The following CDH12 variants were observed in gnomAD, a reference collection of about 807,000 sequenced individuals.
CDH12 encodes the protein cadherin-12.
A neutral mutation model predicts 74.1 loss-of-function variants in CDH12; 41 were observed. The observed-to-expected ratio is 0.55, with a 90% CI of 0.43 to 0.72. The LOEUF is 0.72. Among genes scored for constraint, CDH12 ranks in the 30% least tolerant of loss-of-function variants. The probability of loss-of-function intolerance (pLI) is 0.00; values close to 1 mark genes in which losing one functional copy is unlikely to be tolerated. For missense variants in CDH12, 945 were observed against 977.2 expected, an observed-to-expected ratio of 0.97 and a Z score of 0.44; for synonymous variants, 399 against 355.0, an observed-to-expected ratio of 1.12 and a Z score of -1.39.
chr5:22,686,867 C>G (rs1352650514), intron 1 of CDH12, among the ~76,000 whole-genome samples: 2 of 152,292 alleles, frequency 1.3e-5, no homozygotes, highest in South Asian at 2.1e-4. Flanking sequence ...CTCACTATAA[C>G]GCTTGCTGTC....
chr5:22,288,533 A>C (rs549246955), intron 3 of CDH12, among the ~76,000 whole-genome samples: 4 of 152,310 alleles, frequency 2.6e-5, no homozygotes, highest in African/African-American at 9.6e-5. Context: ...TTATTATTAA[A>C]GTTAGCAATG....
intron 2 of CDH12, among the ~76,000 whole-genome samples, chr5:22,462,328 C>T (rs1745555751): frequency 6.6e-6 from 1 of 152,098 alleles, no homozygotes; most frequent in Non-Finnish European, 1.5e-5. Flanking sequence ...GGGATAGTTA[C>T]ACATAATCAG....
intron 1 of CDH12, among the ~76,000 whole-genome samples, chr5:22,556,227 G>C (rs965424685): frequency 6.6e-6 from 1 of 151,938 alleles, no homozygotes; most frequent in Non-Finnish European, 1.5e-5. Flanking sequence ...ACACATAAAA[G>C]CAATTCTTTG....
chr5:22,349,664 T>C (rs1402159710), intron 3 of CDH12, among the ~76,000 whole-genome samples: 1 of 152,208 alleles, frequency 6.6e-6, no homozygotes, highest in South Asian at 2.1e-4. Flanking sequence ...CCCCCAAATA[T>C]GTTTCTCATT....
intron 3 of CDH12, among the ~76,000 whole-genome samples, chr5:22,376,111 A>G (rs1462233619): frequency 6.6e-6 from 1 of 152,194 alleles, no homozygotes; most frequent in African/African-American, 2.4e-5. Flanking sequence ...ATGGAATACT[A>G]TTCTGCCATA....
At chr5:22,589,441 C>T (rs748903169) in intron 1 of CDH12, among the ~76,000 whole-genome samples, 29 of 152,252 alleles carry the variant, frequency 1.9e-4, no homozygotes, top group Non-Finnish European at 3.8e-4. Context: ...CAAGCTAAAC[C>T]TGTCACGTTG....
chr5:22,574,370 A>G (rs1043176521), intron 1 of CDH12, among the ~76,000 whole-genome samples: 19 of 151,852 alleles, frequency 1.3e-4, no homozygotes, highest in Admixed American at 1.1e-3. Flanking sequence ...CAATTTCAGC[A>G]TTCATTTGTC....
At chr5:22,762,740 A>G (rs989930573) in intron 1 of CDH12, among the ~76,000 whole-genome samples, 4 of 152,072 alleles carry the variant, frequency 2.6e-5, no homozygotes, top group Admixed American at 6.5e-5. Context: ...CTATAAATAC[A>G]TTCATCTTGA....
chr5:22,653,504 C>T (rs1169164605), intron 1 of CDH12, among the ~76,000 whole-genome samples: 1 of 151,696 alleles, frequency 6.6e-6, no homozygotes, highest in African/African-American at 2.4e-5. Context: ...TCCACAAATG[C>T]CACAATATAT....
At chr5:21,912,119 G>C (rs1753884342) in intron 6 of CDH12, among the ~76,000 whole-genome samples, 1 of 152,116 alleles carries the variant, frequency 6.6e-6, no homozygotes, top group Non-Finnish European at 1.5e-5. Flanking sequence ...TTTAAAATTA[G>C]TTTCTAGATG....
intron 1 of CDH12, among the ~76,000 whole-genome samples, chr5:22,505,726 C>T (rs556276611): frequency 6.6e-6 from 1 of 152,226 alleles, no homozygotes; most frequent in East Asian, 1.9e-4. Flanking sequence ...GTCCCCTTGG[C>T]CTCCTCATGG....
chr5:22,527,940 C>T (rs563810977), intron 1 of CDH12, among the ~76,000 whole-genome samples: 2 of 152,276 alleles, frequency 1.3e-5, no homozygotes, highest in South Asian at 2.1e-4. Flanking sequence ...CATCCTGGTT[C>T]ATATTTATGT....
At chr5:22,572,901 C>T (rs568907137) in intron 1 of CDH12, among the ~76,000 whole-genome samples, 6 of 152,278 alleles carry the variant, frequency 3.9e-5, no homozygotes, top group Non-Finnish European at 8.8e-5. Flanking sequence ...TGTTTTACAT[C>T]CTTCAGATGT....
At chr5:21,783,040 T>C (rs1048682659) in intron 11 of CDH12, among the ~76,000 whole-genome samples, 1 of 152,104 alleles carries the variant, frequency 6.6e-6, no homozygotes, top group South Asian at 2.1e-4. Flanking sequence ...AAATACCCAA[T>C]GATATGTAAA....
intron 4 of CDH12, among the ~76,000 whole-genome samples, chr5:22,145,672 A>C (rs1257258158): frequency 6.6e-6 from 1 of 152,156 alleles, no homozygotes; most frequent in African/African-American, 2.4e-5. Context: ...AATGAACAAG[A>C]GAACATTCAG....
intron 10 of CDH12, among the ~76,000 whole-genome samples, chr5:21,794,679 C>A (rs1411043334): frequency 6.6e-6 from 1 of 151,590 alleles, no homozygotes; most frequent in Non-Finnish European, 1.5e-5. Flanking sequence ...TGTATACAGT[C>A]AAATGATCTA....
chr5:21,895,688 C>G (rs886331687), intron 6 of CDH12, among the ~76,000 whole-genome samples: 1 of 152,178 alleles, frequency 6.6e-6, no homozygotes, highest in Non-Finnish European at 1.5e-5. Context: ...CCACTGCCCC[C>G]CACCCAGTCA....
At chr5:21,830,664 T>C (rs143040826) in intron 8 of CDH12, among the ~76,000 whole-genome samples, 181 of 152,192 alleles carry the variant, frequency 1.2e-3, no homozygotes, top group African/African-American at 4.0e-3. Context: ...AGTGAGTAAA[T>C]AGCAGAGCTG....
At chr5:22,686,792 G>A (rs981581760) in intron 1 of CDH12, among the ~76,000 whole-genome samples, 4 of 152,146 alleles carry the variant, frequency 2.6e-5, no homozygotes, top group African/African-American at 9.7e-5. Context: ...CATAGTACTT[G>A]CACTTTAGCT....
Sources: allele counts gnomAD v4.1 joint callset (sites outside exome capture counted in the v4.1 genomes callset), GRCh38; gene constraint gnomAD v4.1.1; transcripts MANE v1.5; gene names NCBI Gene and HGNC (gene_info 2026-07-23, HGNC 2026-07-21).